FXN: variants seen among roughly 807,000 people sequenced by gnomAD.
FXN encodes frataxin.
A neutral mutation model predicts 22.4 loss-of-function variants in FXN; 14 were observed. That is an observed-to-expected ratio of 0.62 (90% confidence interval 0.41 to 0.98). FXN has a LOEUF of 0.98. Ranked by LOEUF, FXN falls within the 50% of genes least tolerant of loss-of-function variation. The pLI is 0.00. For missense variants in FXN, 267 were observed against 268.4 expected, an observed-to-expected ratio of 0.99 and a Z score of 0.04; for synonymous variants, 120 against 114.1, an observed-to-expected ratio of 1.05 and a Z score of -0.33.
chr9:69,036,007 C>T (rs1026581794), intron 1 of FXN, 60 bp downstream of exon 1: 3 of 1,266,238 alleles, frequency 2.4e-6, no homozygotes, highest in African/African-American at 3.2e-5. Flanking sequence ...CGCCGCACGC[C>T]TGCGCAGGGA....
chr9:69,044,691 C>G (rs2133100029), intron 1 of FXN, among the ~76,000 whole-genome samples: 1 of 152,308 alleles, frequency 6.6e-6, no homozygotes, highest in East Asian at 1.9e-4. Context: ...CCTGTCACCT[C>G]CCCTGCATCT....
At chr9:69,055,696 G>A (rs936475780) in intron 3 of FXN, among the ~76,000 whole-genome samples, 20 of 151,750 alleles carry the variant, frequency 1.3e-4, no homozygotes, top group African/African-American at 4.8e-4. Flanking sequence ...GTTTCACCAT[G>A]TTGGCCAGGC....
intron 2 of FXN, among the ~76,000 whole-genome samples, chr9:69,052,755 G>C (rs553807888): frequency 1.4e-3 from 206 of 151,568 alleles, no homozygotes; most frequent in Non-Finnish European, 2.1e-3. Context: ...TGTTAGCCAG[G>C]ATGGTCTCGA....
chr9:69,068,049 A>T (rs940347109), intron 4 of FXN, among the ~76,000 whole-genome samples: 1 of 129,516 alleles, frequency 7.7e-6, no homozygotes, highest in Non-Finnish European at 1.8e-5. Flanking sequence ...TCAATCTAGC[A>T]AGGGAGACAG....
intron 4 of FXN, among the ~76,000 whole-genome samples, chr9:69,068,962 A>G (rs1384356754): frequency 1.3e-5 from 2 of 152,208 alleles, no homozygotes; most frequent in Non-Finnish European, 2.9e-5. Flanking sequence ...CACCATGGAG[A>G]GGATCTTCAG....
At chr9:69,054,279 C>A (rs752942907) in intron 3 of FXN, among the ~76,000 whole-genome samples, 11 of 152,092 alleles carry the variant, frequency 7.2e-5, no homozygotes, top group Non-Finnish European at 1.6e-4. Context: ...GGATAACAGG[C>A]GTGAGCCACC....
intron 3 of FXN, among the ~76,000 whole-genome samples, chr9:69,061,085 G>A (rs970725846): frequency 6.6e-6 from 1 of 152,222 alleles, no homozygotes; most frequent in South Asian, 2.1e-4. Context: ...CTTGAGAGCT[G>A]TGGAGCTAGA....
chr9:69,053,021 T>C, intron 2 of FXN, 119 bp from the exon 3 acceptor site: 1 of 1,165,620 alleles, frequency 8.6e-7, no homozygotes, highest in South Asian at 1.5e-5. Flanking sequence ...GAAAAACTTT[T>C]ACTTTTTACA....
At chr9:69,064,528 C>T (rs576653187) in intron 3 of FXN, among the ~76,000 whole-genome samples, 6 of 152,268 alleles carry the variant, frequency 3.9e-5, no homozygotes, top group South Asian at 2.1e-4. Flanking sequence ...TTTGAGTTGA[C>T]GTGGTACTCT....
chr9:69,075,705 A>G lies in FXN; in HGVS notation c.*2943A>G. ...CATACTGGAGGAGGTGAGGAATTGC[A>G]TAATACAATCTTAGAAAACTTTTTT... On this transcript the variant is annotated 3_prime_UTR_variant, in exon 5 of 5. Coordinates refer to ENST00000484259, the MANE Select transcript of FXN (RefSeq NM_000144.5). 6.1e-6 allele frequency: 6 copies of G among 985,330 alleles called. No individual in the cohort carries two copies. Among genetic ancestry groups the G allele is most frequent in the Non-Finnish European group, 7.2e-6 (6 of 829,844 alleles). 61.0% of individuals were successfully genotyped at this position (985,330 alleles called of 1,614,324 possible).
Position 69,074,315 on chromosome 9 carries a change from C to T in FXN, c.*1553C>T, listed in dbSNP as rs1169489079. On this transcript the variant is annotated 3_prime_UTR_variant, in exon 5 of 5. Transcript: ENST00000484259. ...CACTTTATACAAAGCAACAAGCCTC[C>T]AGGACATTAAAATTCATGCAAAGTT... 7 of 985,062 alleles carry T rather than the reference C, an allele frequency of 7.1e-6. No homozygotes were observed. The highest frequency in any genetic ancestry group is 7.2e-6 in the Non-Finnish European group (6 of 829,854). 61.0% of individuals were successfully genotyped at this position (985,062 alleles called of 1,614,324 possible). A position where few individuals can be genotyped will look rare whatever the true frequency, so the allele number is the denominator to read the frequency against.
rs1832301766 is a variant in FXN at position 69,073,001 on chromosome 9, CAT to C, written c.*240_*241del. 1 of 1,424,852 alleles carries C rather than the reference CAT, an allele frequency of 7.0e-7. No individual in the cohort carries two copies. Among genetic ancestry groups the C allele is most frequent in the Non-Finnish European group, 9.1e-7 (1 of 1,096,146 alleles). The allele number at this position is 1,424,852 out of a possible 1,614,324, so 88.3% of individuals were successfully genotyped here. On this transcript the variant is annotated 3_prime_UTR_variant, in exon 5 of 5. Coordinates refer to ENST00000484259, the MANE Select transcript of FXN (RefSeq NM_000144.5). ...TTGGATTGTCGGATTTCCTCCCTCA[CAT>C]GATACCCCTTATCTTTTATAATGTC...
intron 2 of FXN, among the ~76,000 whole-genome samples, chr9:69,052,515 TAA>T (rs1831871486): frequency 6.7e-6 from 1 of 149,936 alleles, no homozygotes; most frequent in Non-Finnish European, 1.5e-5. Context: ...CTTCTTTCTG[TAA>T]CCCCTTCTGT....
chr9:69,046,035 C>G (rs1465072115), intron 1 of FXN, among the ~76,000 whole-genome samples: 2 of 152,250 alleles, frequency 1.3e-5, no homozygotes, highest in African/African-American at 4.8e-5. Context: ...GTGAAAGTTC[C>G]GTGATGGGTT....
intron 3 of FXN, among the ~76,000 whole-genome samples, chr9:69,057,646 G>C (rs1355961912): frequency 1.4e-4 from 22 of 152,116 alleles, no homozygotes. Context: ...TTCCTGATTA[G>C]AGTCCTTCAG....
At chr9:69,072,461 T>C in intron 4 of FXN, 151 bp from the exon 5 acceptor site, 1 of 1,350,016 alleles carries the variant, frequency 7.4e-7, no homozygotes, top group Non-Finnish European at 1.0e-6. Context: ...TCTTAGATGC[T>C]AAGATAAGAA....
At chr9:69,069,380 A>G (rs1832231593) in intron 4 of FXN, among the ~76,000 whole-genome samples, 1 of 152,128 alleles carries the variant, frequency 6.6e-6, no homozygotes, top group South Asian at 2.1e-4. Flanking sequence ...GGAGGAGAAG[A>G]AGGAAAGGCC....
chr9:69,044,812 C>A (rs2133100182), intron 1 of FXN, among the ~76,000 whole-genome samples: 1 of 152,298 alleles, frequency 6.6e-6, no homozygotes, highest in Non-Finnish European at 1.5e-5. Flanking sequence ...ACCCTGTCAC[C>A]TGGATGTCCA....
chr9:69,053,199 A>G lies in FXN; in HGVS notation c.323A>G (p.Glu108Gly). The G allele has an allele frequency of 6.2e-7, 1 of 1,613,948 alleles. No individual in the cohort carries two copies. The highest frequency in any genetic ancestry group is 8.5e-7 in the Non-Finnish European group (1 of 1,179,962). The stretch of plus-strand genomic sequence containing the variant: ...GAGGAAACGCTGGACTCTTTAGCAG[A>G]GTTTTTTGAAGACCTTGCAGACAAG... ...LAEETLDSLA[E>G]FFEDLADKPY... Residue 108 changes from glutamate (E) to glycine (G), a missense_variant, in exon 3 of 5, where the codon GAG (glutamate) becomes GGG (glycine). Physicochemically the swap from Glu to Gly is moderately conservative, Grantham distance 98. Coordinates refer to ENST00000484259, the MANE Select transcript of FXN (RefSeq NM_000144.5).
Sources: allele counts gnomAD v4.1 joint callset (sites outside exome capture counted in the v4.1 genomes callset), GRCh38; gene constraint gnomAD v4.1.1; transcripts MANE v1.5; gene names NCBI Gene and HGNC (gene_info 2026-07-23, HGNC 2026-07-21).